The following UGT1A9 variants were observed in gnomAD, a reference collection of about 807,000 sequenced individuals.
The protein encoded by UGT1A9 is UDP glucuronosyltransferase family 1 member A9, also known as UDP-glucuronosyltransferase 1A9.
A neutral mutation model predicts 45.0 loss-of-function variants in UGT1A9; 35 were observed. That is an observed-to-expected ratio of 0.78 (90% CI 0.59 to 1.03). UGT1A9 has a LOEUF of 1.03. UGT1A9 is among the 50% of genes least tolerant of loss of function. The pLI, the probability that UGT1A9 is intolerant of heterozygous loss-of-function variation, is 0.00. For missense variants in UGT1A9, 687 were observed against 666.6 expected, an observed-to-expected ratio of 1.03 and a Z score of -0.34; for synonymous variants, 278 against 250.6, an observed-to-expected ratio of 1.11 and a Z score of -1.03.
Position 233,757,558 on chromosome 2 carries a change from A to ATATATATATG in UGT1A9, c.856-9473_856-9472insATATATGTAT, listed in dbSNP as rs1553619909. ...GGAATATATATATATATATATATAT[A>ATATATATATG]TATGTATATATGATATAGCTATAGT... On this transcript the variant is annotated intron_variant, in intron 1 of 4. Transcript: ENST00000354728. 2.4e-5 allele frequency among the ~76,000 whole-genome samples: 3 copies of ATATATATATG among 124,458 alleles called. No homozygotes were observed. In the East Asian group the frequency reaches 6.3e-4, roughly 26 times the overall value. 81.6% of individuals were successfully genotyped at this position (124,458 alleles called of 152,430 possible). A position where few individuals can be genotyped will look rare whatever the true frequency, so the allele number is the denominator to read the frequency against.
At chr2:233,673,406 A>AT (rs906939250) in intron 1 of UGT1A9, among the ~76,000 whole-genome samples, 21 of 152,096 alleles carry the variant, frequency 1.4e-4, no homozygotes, top group African/African-American at 4.6e-4. Context: ...GGCATTTTGC[A>AT]TTTTTTGTCT....
intron 1 of UGT1A9, chr2:233,743,992 A>G: frequency 1.6e-6 from 2 of 1,255,210 alleles, no homozygotes; most frequent in South Asian, 1.3e-5. Context: ...CGCAGGCCCG[A>G]GTGCTCGGAG....
At chr2:233,747,247 C>T in intron 1 of UGT1A9, 1 of 1,601,894 alleles carries the variant, frequency 6.2e-7, no homozygotes, top group Non-Finnish European at 8.5e-7. Context: ...CCTGCTGTGG[C>T]TGGCCACAGG....
At chr2:233,724,699 C>T (rs138869941) in intron 1 of UGT1A9, among the ~76,000 whole-genome samples, 60,257 of 142,328 alleles carry the variant, frequency 0.42, 15,342 homozygotes, top group African/African-American at 0.58. Context: ...GGTGAAGACG[C>T]TCCTCGCTTT....
At chr2:233,754,978 C>T (rs1695669392) in intron 1 of UGT1A9, 1 of 1,298,496 alleles carries the variant, frequency 7.7e-7, no homozygotes, top group South Asian at 1.2e-5. Flanking sequence ...CTGAAGACCT[C>T]GGCGGGGTCA....
intron 1 of UGT1A9, among the ~76,000 whole-genome samples, chr2:233,727,658 C>T (rs1228112753): frequency 6.6e-6 from 1 of 152,168 alleles, no homozygotes; most frequent in Non-Finnish European, 1.5e-5. Flanking sequence ...TTCTAGTGCT[C>T]TATGTCCTTA....
At chr2:233,696,345 ACTTC>A (rs201944530) in intron 1 of UGT1A9, among the ~76,000 whole-genome samples, 53 of 152,076 alleles carry the variant, frequency 3.5e-4, no homozygotes, top group Non-Finnish European at 6.9e-4. Context: ...CAGATCTTTC[ACTTC>A]CTTCCTTAAA....
intron 1 of UGT1A9, chr2:233,692,742 A>T: frequency 9.6e-7 from 1 of 1,038,220 alleles, no homozygotes. Flanking sequence ...AGAGAGGGAG[A>T]AGCAGACTTG....
chr2:233,747,949 T>G lies in UGT1A9; in HGVS notation c.856-19085T>G. ...CTTTTTCAGAGGGAGGTGTCAGTGG[T>G]GGATCTTCTCAGCCATGCATCTGTG... is the stretch of plus-strand genomic sequence containing the variant. On this transcript the variant is annotated intron_variant, in intron 1 of 4. Transcript: ENST00000354728. 2.5e-6 allele frequency: 4 copies of G among 1,613,408 alleles called. No individual in the cohort carries two copies. In the South Asian group the frequency reaches 4.4e-5, roughly 18 times the overall value.
chr2:233,737,601 C>T (rs2078898961), intron 1 of UGT1A9, among the ~76,000 whole-genome samples: 1 of 152,178 alleles, frequency 6.6e-6, no homozygotes, highest in African/African-American at 2.4e-5. Flanking sequence ...GAACCAGGTA[C>T]CTCAGTTGGA....
rs754549295 is a variant in UGT1A9, at chr2:233,768,434, C to A, written c.1290C>A (p.Asp430Glu). 1 of 1,613,634 alleles carries A rather than the reference C, an allele frequency of 6.2e-7. No individual in the cohort carries two copies. Among genetic ancestry groups the A allele is most frequent in the Non-Finnish European group, 8.5e-7 (1 of 1,179,838 alleles). Residue 430 changes from aspartate (D) to glutamate (E), a missense_variant, in exon 4 of 5, where the codon GAC becomes GAA. Coordinates refer to ENST00000354728, the MANE Select transcript of UGT1A9 (RefSeq NM_021027.3). ...LENALKAVIN[D>E]KSYKENIMRL... The stretch of plus-strand genomic sequence containing the variant: ...ATGCTCTAAAAGCAGTCATCAATGA[C>A]AAAAGGTAAGAAAGAAGATACAGAA...
intron 1 of UGT1A9, among the ~76,000 whole-genome samples, chr2:233,675,547 GGC>G (rs2074327303): frequency 1.3e-5 from 2 of 152,226 alleles, no homozygotes; most frequent in South Asian, 4.1e-4. Flanking sequence ...GTAAGATTCT[GGC>G]TATAGTCCAA....
At chr2:233,699,122 C>T (rs2075486151) in intron 1 of UGT1A9, among the ~76,000 whole-genome samples, 2 of 152,198 alleles carry the variant, frequency 1.3e-5, no homozygotes, top group African/African-American at 4.8e-5. Flanking sequence ...AACAGTTCTA[C>T]TTATGTCAGA....
chr2:233,746,471 A>T (rs538596800), intron 1 of UGT1A9, among the ~76,000 whole-genome samples: 1 of 151,696 alleles, frequency 6.6e-6, no homozygotes, highest in Non-Finnish European at 1.5e-5. Flanking sequence ...GGGTTCCAGA[A>T]ACACTTTCCA....
intron 1 of UGT1A9, among the ~76,000 whole-genome samples, chr2:233,720,981 G>T (rs746699495): frequency 6.6e-6 from 1 of 151,748 alleles, no homozygotes; most frequent in Non-Finnish European, 1.5e-5. Context: ...AAAGTGCTGG[G>T]ATTACAGGCA....
chr2:233,687,974 G>A (rs572846343), intron 1 of UGT1A9, among the ~76,000 whole-genome samples: 107 of 152,256 alleles, frequency 7.0e-4, no homozygotes, highest in Admixed American at 3.9e-3. Context: ...TTCATGTATC[G>A]TAAAATTCAG....
At chr2:233,744,461 A>T (rs6741543) in intron 1 of UGT1A9, among the ~76,000 whole-genome samples, 5,148 of 151,990 alleles carry the variant, frequency 0.034, 162 homozygotes, top group African/African-American at 0.052. Context: ...ATTAAAACAG[A>T]ATTAAAAAGA....
chr2:233,725,092 C>T (rs1421040680), intron 1 of UGT1A9, among the ~76,000 whole-genome samples: 3 of 144,372 alleles, frequency 2.1e-5, no homozygotes, highest in African/African-American at 7.9e-5. Flanking sequence ...CAGGCTGAGG[C>T]AGGAGAATCA....
chr2:233,741,506 T>G (rs1461228170), intron 1 of UGT1A9: 1 of 151,928 alleles, frequency 6.6e-6, no homozygotes, highest in Non-Finnish European at 1.5e-5. Flanking sequence ...TGAACTCATT[T>G]TTCAAAAGCC....
Sources: allele counts gnomAD v4.1 joint callset (sites outside exome capture counted in the v4.1 genomes callset), GRCh38; gene constraint gnomAD v4.1.1; transcripts MANE v1.5; gene names NCBI Gene and HGNC (gene_info 2026-07-23, HGNC 2026-07-21).